ANO2: variants seen among roughly 807,000 people sequenced by gnomAD.
ANO2 encodes anoctamin-2.
In ANO2, 101 loss-of-function variants were observed where a neutral mutation model predicts 124.2. The ratio of observed to expected loss-of-function variants is 0.81; its 90% CI spans 0.69 to 0.96. The LOEUF (loss-of-function observed/expected upper bound fraction) is 0.96, where lower values mean the gene tolerates loss of function less well. Among genes scored for constraint, ANO2 ranks in the 40% least tolerant of loss-of-function variants. The pLI is 0.00. For synonymous variants in ANO2, 486 were observed against 482.5 expected (o/e 1.01, Z -0.09); for missense variants, 1,293 against 1,274.5 (o/e 1.01, Z -0.22).
intron 3 of ANO2, among the ~76,000 whole-genome samples, chr12:5,910,861 ACT>A (rs1373786297): frequency 2.0e-4 from 31 of 151,994 alleles, no homozygotes; most frequent in Non-Finnish European, 3.5e-4. Context: ...AGCCTTAAAG[ACT>A]CTGTCTACCA....
chr12:5,580,484 G>A (rs1481574529), intron 20 of ANO2, among the ~76,000 whole-genome samples: 1 of 152,150 alleles, frequency 6.6e-6, no homozygotes, highest in Non-Finnish European at 1.5e-5. Context: ...GTATGATTTT[G>A]GCCAAGCCTG....
chr12:5,810,250 A>T (rs1953345524), intron 7 of ANO2, among the ~76,000 whole-genome samples: 1 of 152,160 alleles, frequency 6.6e-6, no homozygotes, highest in African/African-American at 2.4e-5. Context: ...GTTGAAAAGT[A>T]AGCATCCATC....
chr12:5,921,251 C>T lies in ANO2; in HGVS notation c.323G>A (p.Arg108Gln), dbSNP rs774446848. The change falls in exon 3 of 25, where the codon CGG becomes CAG. Residue 108 changes from arginine (R) to glutamine (Q), a missense_variant. Transcript: ENST00000682330. ...TTGGGCCAGGTGCACCCCGCGTTTC[C>T]GGTAGTGGTAGGCAAGTACATAGTC... ...KVDYVLAYHY[R>Q]KRGVHLAQGF... The T allele has an allele frequency of 7.4e-6, 12 of 1,613,830 alleles. No homozygotes were observed. The highest frequency in any genetic ancestry group is 1.0e-5 in the Non-Finnish European group (12 of 1,179,890).
chr12:5,935,637 A>C (rs755915978), intron 1 of ANO2, among the ~76,000 whole-genome samples: 1 of 152,214 alleles, frequency 6.6e-6, no homozygotes, highest in South Asian at 2.1e-4. Flanking sequence ...AGGGGCACAG[A>C]AGCATACAAG....
At chr12:5,777,412 A>C (rs1304830163) in intron 10 of ANO2, among the ~76,000 whole-genome samples, 2 of 110,978 alleles carry the variant, frequency 1.8e-5, no homozygotes, top group Non-Finnish European at 3.8e-5. Flanking sequence ...GCAAAAAATC[A>C]GGAGAAGAAA....
In ANO2 at chr12:5,732,545, G is replaced by T; in HGVS notation, c.1520C>A (p.Thr507Lys). The part of the protein sequence containing the change: ...SNQSAVQKLE[T>K]NTTECGDEDD... ...CTCATCGCCACACTCCGTCGTGTTT[G>T]TTTCCAATTTCTGGACAGCAGACTG... is the stretch of plus-strand genomic sequence containing the variant. The change falls in exon 14 of 25, where the codon ACA becomes AAA. Residue 507 changes from threonine (T) to lysine (K), a missense_variant. By Grantham distance (78) the Thr-to-Lys change is moderately conservative (BLOSUM62 -1). Coordinates refer to ENST00000682330, the MANE Select transcript of ANO2 (RefSeq NM_001364791.2). 6.2e-7 allele frequency: 1 copy of T among 1,613,788 alleles called. No individual in the cohort carries two copies. Among genetic ancestry groups the T allele is most frequent in the Non-Finnish European group, 8.5e-7 (1 of 1,179,812 alleles).
At chr12:5,710,364 G>A (rs1195890790) in intron 14 of ANO2, among the ~76,000 whole-genome samples, 1 of 152,226 alleles carries the variant, frequency 6.6e-6, no homozygotes, top group Non-Finnish European at 1.5e-5. Flanking sequence ...TAAGCCTCTT[G>A]TAAATAGTTT....
intron 23 of ANO2, among the ~76,000 whole-genome samples, chr12:5,567,050 TA>T (rs781298677): frequency 1.3e-5 from 2 of 151,848 alleles, no homozygotes; most frequent in African/African-American, 4.8e-5. Context: ...CACACAAAGA[TA>T]AAAAAGAGCG....
At chr12:5,926,696 G>A (rs1442439508) in intron 1 of ANO2, among the ~76,000 whole-genome samples, 1 of 152,174 alleles carries the variant, frequency 6.6e-6, no homozygotes, top group African/African-American at 2.4e-5. Context: ...GTGTAAGACT[G>A]GAATATTCAG....
intron 3 of ANO2, among the ~76,000 whole-genome samples, chr12:5,918,193 T>C (rs1941489798): frequency 6.6e-6 from 1 of 152,064 alleles, no homozygotes; most frequent in Non-Finnish European, 1.5e-5. Context: ...TTTCAAAAAG[T>C]GAAAATCAGC....
chr12:5,563,372 G>A lies in ANO2; in HGVS notation c.2924C>T (p.Ala975Val). The change falls in exon 25 of 25, where the codon GCC becomes GTC. Residue 975 changes from alanine to valine, a missense_variant. By Grantham distance (64) the Ala-to-Val change is moderately conservative. Transcript: ENST00000682330. ...GGGDRSRSRA[A>V]SSAPSGQSQL... ...GCTTTGGCCTGAAGGTGCTGAGCTG[G>A]CTGCCCGGCTCCTGCTTCGATCCCC... The A allele has an allele frequency of 6.2e-7, 1 of 1,604,628 alleles. No individual in the cohort carries two copies. Among genetic ancestry groups the A allele is most frequent in the Non-Finnish European group, 8.5e-7 (1 of 1,176,458 alleles).
At chr12:5,874,048 A>G (rs1937923793) in intron 3 of ANO2, among the ~76,000 whole-genome samples, 1 of 152,238 alleles carries the variant, frequency 6.6e-6, no homozygotes, top group African/African-American at 2.4e-5. Context: ...TGGAGTCCTC[A>G]GTATGAACAA....
intron 13 of ANO2, among the ~76,000 whole-genome samples, chr12:5,735,184 G>A (rs529347098): frequency 6.6e-5 from 10 of 152,146 alleles, no homozygotes; most frequent in Non-Finnish European, 1.0e-4. Context: ...ACCCAGCCAC[G>A]GGCAGATCAG....
chr12:5,788,245 T>C (rs2137144690), intron 10 of ANO2, among the ~76,000 whole-genome samples: 1 of 152,328 alleles, frequency 6.6e-6, no homozygotes. Context: ...AACAGAGCTT[T>C]CCCATTCAAC....
intron 6 of ANO2, among the ~76,000 whole-genome samples, chr12:5,828,268 C>T (rs1954048897): frequency 6.6e-6 from 1 of 152,062 alleles, no homozygotes; most frequent in Non-Finnish European, 1.5e-5. Context: ...GGCGGGCCCC[C>T]TCCCCCAGCC....
intron 13 of ANO2, among the ~76,000 whole-genome samples, chr12:5,734,606 C>T (rs991444596): frequency 6.6e-6 from 1 of 152,156 alleles, no homozygotes; most frequent in African/African-American, 2.4e-5. Flanking sequence ...TCACCTCCCC[C>T]CATGCTGGGC....
intron 4 of ANO2, among the ~76,000 whole-genome samples, chr12:5,844,839 G>GTGTTTTTGTT (rs1555172476): frequency 6.6e-6 from 1 of 150,866 alleles, no homozygotes; most frequent in Admixed American, 6.6e-5. Context: ...CAGTTTTTGT[G>GTGTTTTTGTT]TGTTTGTTTG....
Position 5,830,319 on chromosome 12 carries a change from C to T in ANO2, c.840+116G>A, listed in dbSNP as rs951486601. On this transcript the variant is annotated intron_variant, in intron 6 of 24. Coordinates refer to ENST00000682330, the MANE Select transcript of ANO2 (RefSeq NM_001364791.2). ...TTGCATACTCTTCTCTGTTGCTAGGCAACTCCAAGCAAATAACGGTGTGAG... is the reference window on the plus strand; with the variant it reads ...TTGCATACTCTTCTCTGTTGCTAGGTAACTCCAAGCAAATAACGGTGTGAG... 21 of 1,048,298 alleles carry T rather than the reference C, an allele frequency of 2.0e-5. No individual in the cohort carries two copies. In the Admixed American group the frequency reaches 2.0e-4, roughly 10 times the overall value. 64.9% of individuals were successfully genotyped at this position (1,048,298 alleles called of 1,614,324 possible).
chr12:5,573,384 C>T (rs912669332), intron 23 of ANO2, among the ~76,000 whole-genome samples: 3 of 152,172 alleles, frequency 2.0e-5, no homozygotes, highest in Non-Finnish European at 2.9e-5. Context: ...ACGATGTGAG[C>T]CTGGCTTTCC....
Sources: gnomAD v4.1 joint callset for allele counts (sites outside exome capture counted in the v4.1 genomes callset) on GRCh38, gnomAD v4.1.1 for gene constraint, MANE v1.5 for transcripts, NCBI Gene and HGNC (gene_info 2026-07-23, HGNC 2026-07-21) for gene names.